The following TRIP4 variants were observed in gnomAD, a reference collection of about 807,000 sequenced individuals.
TRIP4 encodes the protein activating signal cointegrator 1.
TRIP4 carries 54 observed loss-of-function variants against 81.8 expected under a neutral mutation model. The ratio of observed to expected loss-of-function variants is 0.66; its 90% CI spans 0.53 to 0.83. The LOEUF (loss-of-function observed/expected upper bound fraction) is 0.83. Among genes scored for constraint, TRIP4 ranks in the 40% least tolerant of loss-of-function variants. The pLI is 0.00. For missense variants in TRIP4, 662 were observed against 683.6 expected (o/e 0.97, Z 0.35); for synonymous variants, 270 against 242.8 (o/e 1.11, Z -1.04).
At chr15:64,452,664 A>G (rs1015845185) in intron 12 of TRIP4, among the ~76,000 whole-genome samples, 1 of 152,128 alleles carries the variant, frequency 6.6e-6, no homozygotes, top group African/African-American at 2.4e-5. Context: ...GTTTTACTCA[A>G]ATCTTTCTGG....
intron 6 of TRIP4, among the ~76,000 whole-genome samples, chr15:64,408,083 C>T (rs1186613351): frequency 2.8e-5 from 4 of 143,108 alleles, no homozygotes; most frequent in Admixed American, 7.1e-5. Context: ...GGTGTCACAG[C>T]GAGATTGTCT....
intron 5 of TRIP4, among the ~76,000 whole-genome samples, chr15:64,401,244 C>T (rs1360008815): frequency 6.6e-6 from 1 of 151,872 alleles, no homozygotes; most frequent in Non-Finnish European, 1.5e-5. Context: ...AAGCAATTCT[C>T]CTGCCTCAGC....
At chr15:64,397,115 T>C (rs1900318486) in intron 3 of TRIP4, among the ~76,000 whole-genome samples, 1 of 152,194 alleles carries the variant, frequency 6.6e-6, no homozygotes, top group African/African-American at 2.4e-5. Flanking sequence ...TGTTGCCCAG[T>C]GGCGTCAACT....
chr15:64,413,055 C>A (rs1891802971), intron 7 of TRIP4, among the ~76,000 whole-genome samples: 2 of 152,066 alleles, frequency 1.3e-5, no homozygotes, highest in Middle Eastern at 3.4e-3. Context: ...AACTTCTGAG[C>A]CTTCAAGCAA....
chr15:64,396,614 C>T (rs914954138), intron 3 of TRIP4, among the ~76,000 whole-genome samples: 4 of 152,182 alleles, frequency 2.6e-5, no homozygotes, highest in Admixed American at 2.6e-4. Flanking sequence ...AGATTCATCT[C>T]TACTCTGGGC....
intron 11 of TRIP4, among the ~76,000 whole-genome samples, chr15:64,443,955 G>C (rs1322557970): frequency 6.6e-6 from 1 of 152,050 alleles, no homozygotes. Context: ...AATCCCTTCT[G>C]TTTTCTCCAC....
chr15:64,419,651 C>T (rs1235069079), intron 9 of TRIP4, among the ~76,000 whole-genome samples: 1 of 151,998 alleles, frequency 6.6e-6, no homozygotes, highest in Non-Finnish European at 1.5e-5. Flanking sequence ...AACCACCGCG[C>T]CTGGTGTGTT....
chr15:64,431,103 G>T (rs1173119649), intron 11 of TRIP4, among the ~76,000 whole-genome samples: 1 of 152,134 alleles, frequency 6.6e-6, no homozygotes, highest in East Asian at 1.9e-4. Flanking sequence ...TGAGAGATGA[G>T]AAATTAGAAA....
chr15:64,439,580 A>G (rs1038716745), intron 11 of TRIP4, among the ~76,000 whole-genome samples: 2 of 116,178 alleles, frequency 1.7e-5, no homozygotes, highest in Admixed American at 2.6e-4. Context: ...CTGGAGTGCA[A>G]TGGCGTAATC....
chr15:64,431,855 T>TTTTTTTTTTTTTTTTTTA (rs1281067687), intron 11 of TRIP4, among the ~76,000 whole-genome samples: 1 of 131,768 alleles, frequency 7.6e-6, no homozygotes, highest in African/African-American at 3.0e-5. Flanking sequence ...ATATTTTTTT[T>TTTTTTTTTTTTTTTTTTA]ATCCAAAGAG....
chr15:64,394,982 C>T (rs1784748888), intron 2 of TRIP4, among the ~76,000 whole-genome samples: 1 of 152,124 alleles, frequency 6.6e-6, no homozygotes, highest in African/African-American at 2.4e-5. Context: ...GTAGCTGGGA[C>T]TACAGGCGTG....
intron 9 of TRIP4, 63 bp downstream of exon 9, chr15:64,418,791 A>C (rs1253156683): frequency 6.9e-7 from 1 of 1,442,486 alleles, no homozygotes; most frequent in Non-Finnish European, 9.2e-7. Flanking sequence ...TAATTTAGAA[A>C]TATGAATTGG....
intron 11 of TRIP4, among the ~76,000 whole-genome samples, chr15:64,431,845 A>ATT (rs1237735745): frequency 8.8e-5 from 2 of 22,726 alleles, no homozygotes; most frequent in Admixed American, 6.7e-4. Flanking sequence ...ATATATATAT[A>ATT]TATTTTTTTT....
chr15:64,433,153 G>C (rs981096134), intron 11 of TRIP4, among the ~76,000 whole-genome samples: 12 of 152,108 alleles, frequency 7.9e-5, no homozygotes, highest in Non-Finnish European at 5.9e-5. Flanking sequence ...GGGAAAGCTT[G>C]CTTCTAGCTG....
intron 2 of TRIP4, among the ~76,000 whole-genome samples, chr15:64,394,567 T>A (rs113770712): frequency 0.051 from 7,088 of 140,192 alleles, 226 homozygotes; most frequent in South Asian, 0.084. Flanking sequence ...ATAGCACCAC[T>A]GCACTCCAGC....
chr15:64,455,232 G>A lies in TRIP4; in HGVS notation c.*168G>A. 4.0e-6 allele frequency: 2 copies of A among 499,686 alleles called. No individual in the cohort carries two copies. Among genetic ancestry groups the A allele is most frequent in the Non-Finnish European group, 7.1e-6 (2 of 283,610 alleles). The allele number at this position is 499,686 out of a possible 1,614,324, so 31.0% of individuals were successfully genotyped here. A position where few individuals can be genotyped will look rare whatever the true frequency, so the allele number is the denominator to read the frequency against. Reference sequence around the variant, plus strand: ...TCTGTATATTTTTCTTAAGGAGTGGGATTCCTACTTTATGTAATGGGGTCG... The same window carrying A: ...TCTGTATATTTTTCTTAAGGAGTGGAATTCCTACTTTATGTAATGGGGTCG... On this transcript the variant is annotated 3_prime_UTR_variant, in exon 13 of 13. Transcript: ENST00000261884.
chr15:64,390,415 C>T (rs970321472), intron 1 of TRIP4, among the ~76,000 whole-genome samples: 1 of 150,294 alleles, frequency 6.7e-6, no homozygotes, highest in Non-Finnish European at 1.5e-5. Flanking sequence ...GAGCTGATAC[C>T]GCACCACTGC....
chr15:64,441,251 C>T (rs1401838852), intron 11 of TRIP4, among the ~76,000 whole-genome samples: 3 of 151,844 alleles, frequency 2.0e-5, no homozygotes, highest in African/African-American at 7.3e-5. Flanking sequence ...CCGCTTTGGC[C>T]TCCCAAAGTG....
At chr15:64,426,334 TTATGTATGAATGTACA>T (rs1195225538) in intron 11 of TRIP4, among the ~76,000 whole-genome samples, 45 of 152,164 alleles carry the variant, frequency 3.0e-4, no homozygotes, top group Middle Eastern at 3.4e-3. Context: ...GTATGTGTAT[TTATGTATGAATGTACA>T]TATGTATGAA....
Sources: gnomAD v4.1 joint callset for allele counts (sites outside exome capture counted in the v4.1 genomes callset) on GRCh38, gnomAD v4.1.1 for gene constraint, MANE v1.5 for transcripts, NCBI Gene and HGNC (gene_info 2026-07-23, HGNC 2026-07-21) for gene names.